Variants in TBC1D4 observed in about 807,000 individuals in gnomAD.
The protein encoded by TBC1D4 is TBC1 domain family member 4.
In TBC1D4, 121 loss-of-function variants were observed where a neutral mutation model predicts 142.5. The ratio of observed to expected loss-of-function variants is 0.85; its 90% confidence interval spans 0.73 to 0.99. The LOEUF (loss-of-function observed/expected upper bound fraction) is 0.99. Among genes scored for constraint, TBC1D4 ranks in the 50% least tolerant of loss-of-function variants. TBC1D4 has a pLI of 0.00. For synonymous variants in TBC1D4, 630 were observed against 628.2 expected, an observed-to-expected ratio of 1.00 and a Z score of -0.04; for missense variants, 1,475 against 1,606.6, an observed-to-expected ratio of 0.92 and a Z score of 1.40.
At chr13:75,458,219 G>A (rs1397409939) in intron 1 of TBC1D4, among the ~76,000 whole-genome samples, 37 of 152,092 alleles carry the variant, frequency 2.4e-4, no homozygotes, top group Admixed American at 2.4e-3. Flanking sequence ...ATGGGGAGCT[G>A]GAAAGAGGAT....
intron 16 of TBC1D4, among the ~76,000 whole-genome samples, chr13:75,301,929 C>T (rs1013692887): frequency 2.6e-5 from 4 of 152,162 alleles, no homozygotes; most frequent in Non-Finnish European, 4.4e-5. Context: ...ACTATCTGCC[C>T]TAAAAAGTCA....
At chr13:75,311,262 T>C (rs1877720739) in intron 13 of TBC1D4, among the ~76,000 whole-genome samples, 1 of 152,186 alleles carries the variant, frequency 6.6e-6, no homozygotes, top group African/African-American at 2.4e-5. Flanking sequence ...CAAAGTTCAC[T>C]CAAATGACTC....
At chr13:75,457,637 C>G (rs1887792681) in intron 1 of TBC1D4, among the ~76,000 whole-genome samples, 2 of 152,190 alleles carry the variant, frequency 1.3e-5, no homozygotes, top group South Asian at 4.1e-4. Context: ...ACAAGAAGGA[C>G]TTAAAAGTCT....
chr13:75,462,367 A>G (rs1315343612), intron 1 of TBC1D4, among the ~76,000 whole-genome samples: 1 of 152,136 alleles, frequency 6.6e-6, no homozygotes, highest in African/African-American at 2.4e-5. Context: ...CATTACCTCA[A>G]AAAATAGATA....
intron 1 of TBC1D4, among the ~76,000 whole-genome samples, chr13:75,444,231 C>T (rs1240352844): frequency 2.6e-5 from 4 of 152,162 alleles, no homozygotes; most frequent in African/African-American, 9.7e-5. Flanking sequence ...TCAAGAGATC[C>T]TTCCACCTCA....
chr13:75,381,112 T>C (rs1883823666), intron 1 of TBC1D4, among the ~76,000 whole-genome samples: 1 of 152,246 alleles, frequency 6.6e-6, no homozygotes, highest in South Asian at 2.1e-4. Context: ...ACATTGTATC[T>C]AACATAGGTT....
intron 1 of TBC1D4, among the ~76,000 whole-genome samples, chr13:75,447,771 A>G (rs1887353867): frequency 6.6e-6 from 1 of 152,028 alleles, no homozygotes; most frequent in East Asian, 1.9e-4. Flanking sequence ...CAGCAGCATT[A>G]GATTCTCATA....
chr13:75,294,356 A>T (rs1875656367), intron 18 of TBC1D4, among the ~76,000 whole-genome samples: 1 of 152,246 alleles, frequency 6.6e-6, no homozygotes, highest in Admixed American at 6.5e-5. Context: ...GGCATGAAAG[A>T]AGAGTCACAT....
intron 1 of TBC1D4, among the ~76,000 whole-genome samples, chr13:75,408,221 G>A (rs1885434702): frequency 6.6e-6 from 1 of 152,166 alleles, no homozygotes; most frequent in African/African-American, 2.4e-5. Flanking sequence ...GTGGTCTTCT[G>A]TGACTGGCCT....
chr13:75,370,551 T>A (rs953044611), intron 1 of TBC1D4, among the ~76,000 whole-genome samples: 1 of 152,102 alleles, frequency 6.6e-6, no homozygotes, highest in African/African-American at 2.4e-5. Context: ...CATGATGATA[T>A]GTTGATGAAT....
chr13:75,379,023 A>G (rs1030448699), intron 1 of TBC1D4, among the ~76,000 whole-genome samples: 4 of 152,188 alleles, frequency 2.6e-5, no homozygotes, highest in Non-Finnish European at 5.9e-5. Context: ...TTCTATTTTC[A>G]GGTACAAAAT....
chr13:75,328,099 A>T (rs1879432019), intron 8 of TBC1D4, among the ~76,000 whole-genome samples: 1 of 152,226 alleles, frequency 6.6e-6, no homozygotes, highest in Admixed American at 6.5e-5. Flanking sequence ...CACGTTATTC[A>T]TCCATAAGTT....
intron 1 of TBC1D4, among the ~76,000 whole-genome samples, chr13:75,390,041 C>T (rs1004494574): frequency 3.3e-5 from 5 of 151,816 alleles, no homozygotes; most frequent in South Asian, 2.1e-4. Flanking sequence ...TTTGGGAGGG[C>T]GAGGCAGGCA....
intron 1 of TBC1D4, among the ~76,000 whole-genome samples, chr13:75,443,062 T>G (rs1047704042): frequency 7.9e-5 from 12 of 152,210 alleles, no homozygotes; most frequent in African/African-American, 2.4e-4. Context: ...TGATGAAGTT[T>G]ATCGTAGCTC....
chr13:75,372,695 T>C (rs1883287736), intron 1 of TBC1D4, among the ~76,000 whole-genome samples: 1 of 152,186 alleles, frequency 6.6e-6, no homozygotes. Context: ...GTTCTCACAA[T>C]ACTGAGAAAA....
At chr13:75,444,400 T>A (rs1887185113) in intron 1 of TBC1D4, among the ~76,000 whole-genome samples, 1 of 152,224 alleles carries the variant, frequency 6.6e-6, no homozygotes, top group African/African-American at 2.4e-5. Context: ...GGGCTGGGAC[T>A]ACAGGCTTGA....
rs576154916 is a variant in TBC1D4, at chr13:75,442,673, G to A, written c.498+38597C>T. 2.0e-3 allele frequency among the ~76,000 whole-genome samples: 297 copies of A among 152,108 alleles called. 2 individuals are homozygous for A. The highest frequency in any genetic ancestry group is 3.4e-3 in the Middle Eastern group (1 of 294). Reference sequence around the variant, plus strand: ...GCACACCTGTAATCCCAGCTACCTGGGAGGCTGAGGCAGGAGAATCACTTG... The same window carrying A: ...GCACACCTGTAATCCCAGCTACCTGAGAGGCTGAGGCAGGAGAATCACTTG... On this transcript the variant is annotated intron_variant, in intron 1 of 20. Transcript: ENST00000377636.
Position 75,285,261 on chromosome 13 carries a change from T to A in TBC1D4, c.*1531A>T, listed in dbSNP as rs1288286625. The A allele has an allele frequency of 6.6e-6, 1 of 152,204 alleles. No homozygotes were observed. The highest frequency in any genetic ancestry group is 2.4e-5 in the African/African-American group (1 of 41,436). 9.4% of individuals were successfully genotyped at this position (152,204 alleles called of 1,614,324 possible). A position where few individuals can be genotyped will look rare whatever the true frequency, so the allele number is the denominator to read the frequency against. ...GTTTCAGATGTTTGTCATCTGTTCA[T>A]CAAAGCTTTCTGAAACCCCTAGAGC... On this transcript the variant is annotated 3_prime_UTR_variant, in exon 21 of 21. Transcript: ENST00000377636.
intron 12 of TBC1D4, among the ~76,000 whole-genome samples, chr13:75,316,848 T>C (rs1441971101): frequency 6.6e-6 from 1 of 152,218 alleles, no homozygotes; most frequent in Non-Finnish European, 1.5e-5. Flanking sequence ...ACTTTTCCTT[T>C]GATTAAACTT....
Sources: gnomAD v4.1 joint callset for allele counts (sites outside exome capture counted in the v4.1 genomes callset) on GRCh38, gnomAD v4.1.1 for gene constraint, MANE v1.5 for transcripts, NCBI Gene and HGNC (gene_info 2026-07-23, HGNC 2026-07-21) for gene names.